IFT88: variants seen among roughly 807,000 people sequenced by gnomAD.
IFT88 encodes the protein intraflagellar transport 88, also known as intraflagellar transport protein 88 homolog.
In IFT88, 74 loss-of-function variants were observed where a neutral mutation model predicts 119.5. The observed-to-expected ratio is 0.62, with a 90% CI of 0.51 to 0.75. The LOEUF (loss-of-function observed/expected upper bound fraction) is 0.75. Ranked by LOEUF, IFT88 falls within the 30% of genes least tolerant of loss-of-function variation. IFT88 has a pLI of 0.00. For missense variants in IFT88, 961 were observed against 977.7 expected, an observed-to-expected ratio of 0.98 and a Z score of 0.23; for synonymous variants, 279 against 316.7, an observed-to-expected ratio of 0.88 and a Z score of 1.26.
At chr13:20,680,075 A>G (rs564601758) in intron 24 of IFT88, among the ~76,000 whole-genome samples, 3 of 152,198 alleles carry the variant, frequency 2.0e-5, no homozygotes, top group Non-Finnish European at 4.4e-5. Flanking sequence ...CCAAGCAAAT[A>G]CCTTCATTTT....
chr13:20,592,153 C>A (rs1046350846), intron 6 of IFT88, among the ~76,000 whole-genome samples, 182 bp from the exon 7 acceptor site: 6 of 152,028 alleles, frequency 3.9e-5, no homozygotes, highest in African/African-American at 1.2e-4. Context: ...AAAAATCTTA[C>A]CAATTTCCCA....
chr13:20,567,444 C>T (rs1441513961), intron 1 of IFT88, among the ~76,000 whole-genome samples, 188 bp downstream of exon 1: 2 of 152,242 alleles, frequency 1.3e-5, no homozygotes, highest in Non-Finnish European at 2.9e-5. Context: ...CCTCAGGCTC[C>T]CGAGTTGTCT....
At chr13:20,687,240 G>A (rs1281670625) in intron 24 of IFT88, among the ~76,000 whole-genome samples, 1 of 152,070 alleles carries the variant, frequency 6.6e-6, no homozygotes, top group East Asian at 1.9e-4. Flanking sequence ...CCAGCAGAAG[G>A]GTCTAAAATA....
intron 11 of IFT88, 44 bp from the exon 12 acceptor site, chr13:20,601,661 A>C: frequency 7.6e-7 from 1 of 1,316,362 alleles, no homozygotes. Context: ...TGCCATACTA[A>C]AGAGTTCAGA....
intron 24 of IFT88, among the ~76,000 whole-genome samples, chr13:20,684,366 A>C (rs1197644151): frequency 6.6e-6 from 1 of 152,156 alleles, no homozygotes. Context: ...AGGGGTAGGG[A>C]CAAACCTCTC....
At chr13:20,594,843 G>GA (rs1407792052) in intron 7 of IFT88, among the ~76,000 whole-genome samples, 76 of 152,124 alleles carry the variant, frequency 5.0e-4, no homozygotes, top group African/African-American at 1.8e-3. Flanking sequence ...TAATTTTATA[G>GA]AAAAAGTTAT....
intron 19 of IFT88, among the ~76,000 whole-genome samples, chr13:20,644,232 G>T (rs2050396397): frequency 6.6e-6 from 1 of 151,980 alleles, no homozygotes; most frequent in Non-Finnish European, 1.5e-5. Flanking sequence ...AGTCCTGGTG[G>T]CCCATACCTT....
At chr13:20,659,745 G>C (rs1452140040) in intron 22 of IFT88, among the ~76,000 whole-genome samples, 1 of 151,838 alleles carries the variant, frequency 6.6e-6, no homozygotes, top group Non-Finnish European at 1.5e-5. Flanking sequence ...CCAGGTTCAA[G>C]TGATTCTCCT....
At position 20,691,294 on chromosome 13, in the gene IFT88, G is replaced by A. The variant is rs547674835; in HGVS notation, c.*119G>A. 6.9e-4 allele frequency: 648 copies of A among 932,546 alleles called. 1 individual carries two copies. The African/African-American group carries it at 9.1e-3, about 13-fold the overall frequency. The allele number at this position is 932,546 out of a possible 1,614,324, so 57.8% of individuals were successfully genotyped here. On this transcript the variant is annotated 3_prime_UTR_variant, in exon 26 of 26. Transcript: ENST00000351808. ...TTTTTCACTGTCAAAACTTAAGTAA[G>A]TGTATTCTATTCTGTATGTATGCAT...
At chr13:20,606,056 A>G (rs1459217434) in intron 13 of IFT88, among the ~76,000 whole-genome samples, 1 of 152,020 alleles carries the variant, frequency 6.6e-6, no homozygotes, top group Non-Finnish European at 1.5e-5. Flanking sequence ...TGGTGATTGA[A>G]CTCAGTCTGC....
chr13:20,625,569 A>C (rs1167290212), intron 14 of IFT88, among the ~76,000 whole-genome samples, 181 bp from the exon 15 acceptor site: 1 of 152,190 alleles, frequency 6.6e-6, no homozygotes, highest in Admixed American at 6.5e-5. Flanking sequence ...TGGATAAGAA[A>C]AGTAATTTAG....
chr13:20,666,532 G>A (rs1468858561), intron 23 of IFT88, among the ~76,000 whole-genome samples: 3 of 152,150 alleles, frequency 2.0e-5, no homozygotes, highest in Non-Finnish European at 4.4e-5. Flanking sequence ...TAGCATGCGA[G>A]TTTATGGTCA....
chr13:20,606,680 A>G (rs2043530081), intron 13 of IFT88, among the ~76,000 whole-genome samples: 1 of 152,148 alleles, frequency 6.6e-6, no homozygotes, highest in African/African-American at 2.4e-5. Flanking sequence ...AAAGTTCGAG[A>G]CCAGCCTGAC....
intron 15 of IFT88, among the ~76,000 whole-genome samples, chr13:20,630,772 G>C (rs1451792361): frequency 6.6e-6 from 1 of 152,170 alleles, no homozygotes; most frequent in Non-Finnish European, 1.5e-5. Flanking sequence ...CTAATCTGCT[G>C]TTAGAACATC....
At chr13:20,628,137 C>G (rs2047643828) in intron 15 of IFT88, among the ~76,000 whole-genome samples, 1 of 151,598 alleles carries the variant, frequency 6.6e-6, no homozygotes, top group African/African-American at 2.4e-5. Context: ...ATTTACAATT[C>G]AAAGTGAAAA....
intron 23 of IFT88, among the ~76,000 whole-genome samples, chr13:20,666,241 C>T (rs776425982): frequency 6.6e-5 from 10 of 152,202 alleles, no homozygotes; most frequent in African/African-American, 1.7e-4. Context: ...AGCGTTCTAG[C>T]TTTGAACTTC....
chr13:20,600,997 AAG>A (rs2042499987), intron 11 of IFT88, among the ~76,000 whole-genome samples: 1 of 152,268 alleles, frequency 6.6e-6, no homozygotes, highest in African/African-American at 2.4e-5. Flanking sequence ...TGCCAAGTGA[AAG>A]AAGCAAGACA....
chr13:20,671,737 C>G (rs1276157855), intron 24 of IFT88, among the ~76,000 whole-genome samples: 4 of 152,168 alleles, frequency 2.6e-5, no homozygotes, highest in African/African-American at 9.7e-5. Flanking sequence ...TTTAAAGAAG[C>G]TAATTTTAAA....
intron 24 of IFT88, among the ~76,000 whole-genome samples, chr13:20,681,661 G>T (rs2057332477): frequency 6.6e-6 from 1 of 152,232 alleles, no homozygotes; most frequent in Non-Finnish European, 1.5e-5. Context: ...AGTGCATTCT[G>T]TTCCTAACTG....
Sources: allele counts gnomAD v4.1 joint callset (sites outside exome capture counted in the v4.1 genomes callset), GRCh38; gene constraint gnomAD v4.1.1; transcripts MANE v1.5; gene names NCBI Gene and HGNC (gene_info 2026-07-23, HGNC 2026-07-21).